The following RARB variants were observed in gnomAD, a reference collection of about 807,000 sequenced individuals.
The protein encoded by RARB is HBV-activated protein.
Under a neutral mutation model 51.9 loss-of-function variants are expected in RARB, and 17 were observed. That is an observed-to-expected ratio of 0.33 (90% CI 0.22 to 0.49). The LOEUF (loss-of-function observed/expected upper bound fraction) is 0.49, where lower values mean the gene tolerates loss of function less well. Among genes scored for constraint, RARB ranks in the 20% least tolerant of loss-of-function variants. The probability of loss-of-function intolerance (pLI) is 0.99; values close to 1 mark genes in which losing one functional copy is unlikely to be tolerated. For missense variants in RARB, 369 were observed against 550.8 expected (o/e 0.67, Z 3.30); for synonymous variants, 215 against 195.4 (o/e 1.10, Z -0.84).
At chr3:24,991,813 G>A (rs938428978) in intron 2 of RARB, among the ~76,000 whole-genome samples, 2 of 148,540 alleles carry the variant, frequency 1.3e-5, no homozygotes, top group African/African-American at 5.0e-5. Context: ...TGTAATCTCT[G>A]ATACCACGTG....
At chr3:25,005,561 C>T (rs1409271507) in intron 2 of RARB, among the ~76,000 whole-genome samples, 5 of 152,182 alleles carry the variant, frequency 3.3e-5, no homozygotes, top group African/African-American at 1.2e-4. Flanking sequence ...TTCCCAAGAG[C>T]AAATGACTTA....
chr3:24,896,902 A>G (rs1240002064), intron 2 of RARB, among the ~76,000 whole-genome samples: 1 of 152,196 alleles, frequency 6.6e-6, no homozygotes, highest in African/African-American at 2.4e-5. Context: ...TAATGGACAC[A>G]TTAAACTTGC....
intron 1 of RARB, among the ~76,000 whole-genome samples, chr3:25,437,795 T>C (rs957852236): frequency 6.6e-6 from 1 of 152,214 alleles, no homozygotes; most frequent in African/African-American, 2.4e-5. Context: ...GTGGAATAAG[T>C]GCACACCTTC....
chr3:24,991,270 G>A (rs973192021), intron 2 of RARB, among the ~76,000 whole-genome samples: 14 of 152,052 alleles, frequency 9.2e-5, no homozygotes, highest in African/African-American at 3.1e-4. Flanking sequence ...GCGAAAGCCC[G>A]TCTCTATTAA....
intron 2 of RARB, among the ~76,000 whole-genome samples, chr3:24,880,225 A>G (rs1250293312): frequency 6.6e-6 from 1 of 151,990 alleles, no homozygotes; most frequent in Non-Finnish European, 1.5e-5. Context: ...GTAACAAATG[A>G]GCACATATGT....
intron 4 of RARB, among the ~76,000 whole-genome samples, chr3:25,144,587 T>C (rs1159950492): frequency 6.6e-6 from 1 of 152,226 alleles, no homozygotes. Flanking sequence ...CCATACATTC[T>C]TCAAATAATA....
intron 2 of RARB, among the ~76,000 whole-genome samples, chr3:24,966,842 G>C (rs4858671): frequency 0.5 from 76,551 of 151,872 alleles, 19,825 homozygotes; most frequent in East Asian, 0.63. Context: ...AAATCATTCA[G>C]GTGATCATTA....
intron 2 of RARB, among the ~76,000 whole-genome samples, chr3:24,982,188 C>T (rs972320083): frequency 4.5e-4 from 68 of 152,314 alleles, no homozygotes; most frequent in African/African-American, 1.6e-3. Context: ...CAGGGCCCAG[C>T]TGCTCTTTTT....
chr3:25,101,861 A>C (rs1468739665), intron 3 of RARB, among the ~76,000 whole-genome samples: 1 of 151,870 alleles, frequency 6.6e-6, no homozygotes, highest in East Asian at 1.9e-4. Flanking sequence ...GTACTTTAAC[A>C]TTTTTATATC....
chr3:25,537,214 C>A (rs958213117), intron 3 of RARB, among the ~76,000 whole-genome samples: 2 of 152,156 alleles, frequency 1.3e-5, no homozygotes, highest in Non-Finnish European at 2.9e-5. Flanking sequence ...CAAGAGAGGC[C>A]TGCTGACAGG....
At chr3:24,963,721 A>G (rs1419254011) in intron 2 of RARB, among the ~76,000 whole-genome samples, 1 of 151,988 alleles carries the variant, frequency 6.6e-6, no homozygotes, top group East Asian at 1.9e-4. Flanking sequence ...CTGCCGGAGT[A>G]TATAGTTCAT....
At chr3:25,338,196 A>C (rs1010026716) in intron 5 of RARB, among the ~76,000 whole-genome samples, 10 of 152,058 alleles carry the variant, frequency 6.6e-5, no homozygotes, top group African/African-American at 2.4e-4. Context: ...CATTTTGGTC[A>C]CTTAGACCAT....
intron 2 of RARB, among the ~76,000 whole-genome samples, chr3:24,872,650 A>T (rs916675534): frequency 6.6e-6 from 1 of 152,066 alleles, no homozygotes; most frequent in African/African-American, 2.4e-5. Context: ...TCACGTGAAT[A>T]GATGGAGTGA....
intron 5 of RARB, among the ~76,000 whole-genome samples, chr3:25,221,327 T>C (rs1701943754): frequency 6.6e-6 from 1 of 152,230 alleles, no homozygotes; most frequent in Admixed American, 6.5e-5. Flanking sequence ...GCTAAGTTAG[T>C]TCATAACTGA....
intron 3 of RARB, among the ~76,000 whole-genome samples, chr3:25,067,099 C>T (rs1009723816): frequency 6.6e-6 from 1 of 152,198 alleles, no homozygotes; most frequent in African/African-American, 2.4e-5. Flanking sequence ...CATACACCCA[C>T]TGAGAAGGGC....
intron 3 of RARB, among the ~76,000 whole-genome samples, chr3:25,102,423 C>T (rs1699421005): frequency 6.6e-6 from 1 of 151,830 alleles, no homozygotes; most frequent in South Asian, 2.1e-4. Flanking sequence ...GCTTGTAATC[C>T]CAACTACTCG....
chr3:25,499,906 G>T (rs528536267), intron 2 of RARB, among the ~76,000 whole-genome samples: 16 of 152,258 alleles, frequency 1.1e-4, no homozygotes, highest in Admixed American at 2.0e-4. Flanking sequence ...GAAATGTTTT[G>T]CACCTACACT....
chr3:25,460,999 T>G (rs1025071024), intron 1 of RARB, among the ~76,000 whole-genome samples, 194 bp from the exon 2 acceptor site: 22 of 152,190 alleles, frequency 1.4e-4, no homozygotes, highest in African/African-American at 4.8e-4. Context: ...GAGACTGCTT[T>G]GTAAACCGTA....
chr3:25,087,998 T>C (rs1467864414), intron 3 of RARB, among the ~76,000 whole-genome samples: 1 of 151,930 alleles, frequency 6.6e-6, no homozygotes, highest in Non-Finnish European at 1.5e-5. Flanking sequence ...GTAAGAAAGC[T>C]ATGAGCCTGA....
Sources: allele counts gnomAD v4.1 joint callset (sites outside exome capture counted in the v4.1 genomes callset), GRCh38; gene constraint gnomAD v4.1.1; transcripts MANE v1.5; gene names NCBI Gene and HGNC (gene_info 2026-07-23, HGNC 2026-07-21).